Variants in DNAJB4 observed in about 807,000 individuals in gnomAD.
The protein encoded by DNAJB4 is dnaJ homolog subfamily B member 4.
A neutral mutation model predicts 26.6 loss-of-function variants in DNAJB4; 10 were observed. That is an observed-to-expected ratio of 0.38 (90% CI 0.23 to 0.64). The LOEUF (loss-of-function observed/expected upper bound fraction) is 0.64, where lower values mean the gene tolerates loss of function less well. DNAJB4 is among the 30% of genes least tolerant of loss of function. The pLI, the probability that DNAJB4 is intolerant of heterozygous loss-of-function variation, is 0.58. For synonymous variants in DNAJB4, 136 were observed against 134.8 expected (o/e 1.01, Z -0.06); for missense variants, 328 against 408.2 (o/e 0.80, Z 1.69).
At chr1:78,003,263 C>G (rs938096985), upstream of DNAJB4, among the ~76,000 whole-genome samples, 3 of 152,018 alleles carry the variant, frequency 2.0e-5, no homozygotes, top group Non-Finnish European at 4.4e-5. Context: ...TAGCATTTTT[C>G]ACTAAGTTTT....
chr1:77,998,831 A>C (rs2102599641), intron 1 of DNAJB4, among the ~76,000 whole-genome samples: 1 of 138,126 alleles, frequency 7.2e-6, no homozygotes. Flanking sequence ...CAACAGAGTG[A>C]GATCCTGTCT....
In DNAJB4 at chr1:77,981,474, C is replaced by G. The variant is rs555479995; in HGVS notation, c.-32+1152C>G. On this transcript the variant is annotated intron_variant, in intron 1 of 2. Transcript: ENST00000426517. ...GATGACAGGCACCCACCACTACGCCCAGCTGATTTTTGTATTTTTAGTAGA... is the reference window on the plus strand; with the variant it reads ...GATGACAGGCACCCACCACTACGCCGAGCTGATTTTTGTATTTTTAGTAGA... Among the ~76,000 whole-genome samples, 293 of 152,228 alleles carry G rather than the reference C, an allele frequency of 1.9e-3. 1 individual carries two copies. The highest frequency in any genetic ancestry group is 3.7e-3 in the Non-Finnish European group (253 of 68,020).
chr1:77,989,195 C>T (rs546939028), intron 1 of DNAJB4, among the ~76,000 whole-genome samples: 28 of 152,186 alleles, frequency 1.8e-4, no homozygotes, highest in Non-Finnish European at 3.2e-4. Flanking sequence ...CTTTTGCTCT[C>T]AGAGCCCACC....
chr1:78,014,012 A>T (rs756817849), intron 2 of DNAJB4, among the ~76,000 whole-genome samples: 1 of 151,988 alleles, frequency 6.6e-6, no homozygotes, highest in Admixed American at 6.6e-5. Flanking sequence ...ACAAATTTGT[A>T]TACATTTATA....
chr1:77,983,298 G>A (rs1221304688), intron 1 of DNAJB4, among the ~76,000 whole-genome samples: 1 of 152,274 alleles, frequency 6.6e-6, no homozygotes, highest in East Asian at 1.9e-4. Context: ...ACATACAATC[G>A]GGTTTTATAC....
chr1:77,983,744 A>G (rs963997914), intron 1 of DNAJB4, among the ~76,000 whole-genome samples: 5 of 152,152 alleles, frequency 3.3e-5, no homozygotes, highest in African/African-American at 4.8e-5. Flanking sequence ...AGGCAGAAGA[A>G]TTTTTCTTAG....
At chr1:77,989,265 ATCT>A (rs1327874268) in intron 1 of DNAJB4, among the ~76,000 whole-genome samples, 1 of 152,146 alleles carries the variant, frequency 6.6e-6, no homozygotes, top group African/African-American at 2.4e-5. Context: ...ATCAAATTTT[ATCT>A]TCTTTGAGAT....
At chr1:77,985,753 CAAT>C (rs1203332212) in intron 1 of DNAJB4, among the ~76,000 whole-genome samples, 1 of 151,872 alleles carries the variant, frequency 6.6e-6, no homozygotes, top group Non-Finnish European at 1.5e-5. Context: ...TTTGAGATGA[CAAT>C]AATGCCTGGC....
intron 1 of DNAJB4, among the ~76,000 whole-genome samples, chr1:77,990,947 G>C (rs990364495): frequency 6.6e-6 from 1 of 152,200 alleles, no homozygotes; most frequent in Non-Finnish European, 1.5e-5. Flanking sequence ...GACCCCGCTG[G>C]TTACAATCCA....
At chr1:77,983,209 A>G (rs1039038412) in intron 1 of DNAJB4, among the ~76,000 whole-genome samples, 1 of 152,202 alleles carries the variant, frequency 6.6e-6, no homozygotes, top group Non-Finnish European at 1.5e-5. Flanking sequence ...AAACATCTCA[A>G]TGCTTTACAA....
In DNAJB4 at chr1:77,996,978, C is replaced by T. The variant is rs548843333; in HGVS notation, c.-31-8102C>T. Among the ~76,000 whole-genome samples the T allele has an allele frequency of 9.2e-5, 14 of 152,250 alleles. No individual in the cohort carries two copies. The South Asian group carries it at 1.0e-3, about 11-fold the overall frequency. The stretch of plus-strand genomic sequence containing the variant: ...CCAGAACCACAGGCGTGAGCCACAG[C>T]GCCTGGCCAGGAAGCTTACAGATTA... On this transcript the variant is annotated intron_variant, in intron 1 of 2. Coordinates refer to the DNAJB4 transcript ENST00000426517.
At chr1:77,990,951 C>G (rs1659918132) in intron 1 of DNAJB4, among the ~76,000 whole-genome samples, 1 of 152,332 alleles carries the variant, frequency 6.6e-6, no homozygotes, top group East Asian at 1.9e-4. Flanking sequence ...CCGCTGGTTA[C>G]AATCCAGTGG....
rs1378865831 is a variant in DNAJB4, at chr1:78,013,323, C to A, written c.484C>A (p.His162Asn). ...SRLKQDPPVI[H>N]ELRVSLEEIY... ...CCTCAAACAAGATCCTCCAGTTATT[C>A]ATGAACTTAGAGTATCACTTGAAGA... is the stretch of plus-strand genomic sequence containing the variant. Residue 162 changes from histidine to asparagine, a missense_variant, in exon 2 of 3, where the codon CAT becomes AAT. Physicochemically the swap from His to Asn is moderately conservative, Grantham distance 68 (BLOSUM62 1). Transcript: ENST00000370763. 6.2e-6 allele frequency: 10 copies of A among 1,614,050 alleles called. No individual in the cohort carries two copies. The South Asian group carries it at 1.1e-4, about 18-fold the overall frequency.
rs1213104644 is a variant in DNAJB4 at position 78,005,991 on chromosome 1, A to G, written c.211+670A>G. On this transcript the variant is annotated intron_variant, in intron 1 of 2. Transcript: ENST00000370763. ...TTGTAAACAATAATTTTGTGCCAAGAAAATGAAATCTCAGAAATACAATTT... is the reference window on the plus strand; with the variant it reads ...TTGTAAACAATAATTTTGTGCCAAGGAAATGAAATCTCAGAAATACAATTT... Among the ~76,000 whole-genome samples the G allele has an allele frequency of 1.1e-4, 17 of 152,352 alleles. No homozygotes were observed. The East Asian group carries it at 3.3e-3, about 29-fold the overall frequency.
intron 1 of DNAJB4, among the ~76,000 whole-genome samples, chr1:78,012,154 CTTTTCTTTTTTTT>C (rs1423576514): frequency 5.8e-5 from 4 of 69,342 alleles, no homozygotes; most frequent in African/African-American, 1.7e-4. Context: ...TTTTTCTTTT[CTTTTCTTTTTTTT>C]TTTTTTTTTT....
In DNAJB4 at chr1:78,013,066, C is replaced by T. The variant is rs1317722749; in HGVS notation, c.227C>T (p.Ala76Val). The T allele has an allele frequency of 6.2e-6, 10 of 1,607,054 alleles. No individual in the cohort carries two copies. Among genetic ancestry groups the T allele is most frequent in the Non-Finnish European group, 8.5e-6 (10 of 1,176,778 alleles). ...CTTCAATTAGGGTTGAAAGGAGGAGCAGGAGGTACTGATGGACAAGGAGGT... is the reference window on the plus strand; with the variant it reads ...CTTCAATTAGGGTTGAAAGGAGGAGTAGGAGGTACTGATGGACAAGGAGGT... ...QFGEEGLKGGAGGTDGQGGTF... is the reference protein window; with the variant it reads ...QFGEEGLKGGVGGTDGQGGTF... Residue 76 changes from alanine (A) to valine (V), a missense_variant, in exon 2 of 3, where the codon GCA becomes GTA. Coordinates refer to ENST00000370763, the MANE Select transcript of DNAJB4 (RefSeq NM_007034.5).
intron 2 of DNAJB4, among the ~76,000 whole-genome samples, chr1:78,014,127 CTTTT>C (rs200230733): frequency 6.9e-6 from 1 of 145,560 alleles, no homozygotes; most frequent in Admixed American, 6.9e-5. Context: ...TGCACTATTT[CTTTT>C]TTTTTTTTGA....
At chr1:77,984,958 C>A (rs796205669) in intron 1 of DNAJB4, among the ~76,000 whole-genome samples, 1 of 152,168 alleles carries the variant, frequency 6.6e-6, no homozygotes, top group Non-Finnish European at 1.5e-5. Flanking sequence ...AGATTAATTG[C>A]AGAGCCAAGA....
intron 1 of DNAJB4, among the ~76,000 whole-genome samples, chr1:77,989,947 C>A (rs1659893015): frequency 6.6e-6 from 1 of 152,160 alleles, no homozygotes; most frequent in South Asian, 2.1e-4. Context: ...GGAGGAAAAT[C>A]CCCAGAACAT....
Sources: gnomAD v4.1 joint callset for allele counts (sites outside exome capture counted in the v4.1 genomes callset) on GRCh38, gnomAD v4.1.1 for gene constraint, MANE v1.5 for transcripts, NCBI Gene and HGNC (gene_info 2026-07-23, HGNC 2026-07-21) for gene names.